PLA2G4A: variants seen among roughly 807,000 people sequenced by gnomAD.
PLA2G4A encodes phospholipase A2 group IVA.
PLA2G4A carries 40 observed loss-of-function variants against 81.9 expected under a neutral mutation model. The ratio of observed to expected loss-of-function variants is 0.49; its 90% CI spans 0.38 to 0.64. The LOEUF (loss-of-function observed/expected upper bound fraction) is 0.64. Among genes scored for constraint, PLA2G4A ranks in the 30% least tolerant of loss-of-function variants. The probability of loss-of-function intolerance (pLI) is 0.00; values close to 1 mark genes in which losing one functional copy is unlikely to be tolerated. For missense variants in PLA2G4A, 715 were observed against 905.1 expected (o/e 0.79, Z 2.69); for synonymous variants, 302 against 296.9 (o/e 1.02, Z -0.18).
chr1:186,957,398 A>C (rs1656792853), intron 14 of PLA2G4A, among the ~76,000 whole-genome samples: 1 of 152,308 alleles, frequency 6.6e-6, no homozygotes, highest in South Asian at 2.1e-4. Context: ...TGGTTCAAAA[A>C]CCACTTCAGA....
intron 7 of PLA2G4A, among the ~76,000 whole-genome samples, chr1:186,913,550 G>A (rs964271158): frequency 8.6e-5 from 13 of 151,930 alleles, no homozygotes; most frequent in Admixed American, 6.6e-4. Context: ...TGTTAGTGAC[G>A]TATCAGGTAA....
intron 1 of PLA2G4A, among the ~76,000 whole-genome samples, chr1:186,851,033 G>A (rs1469510892): frequency 6.6e-6 from 1 of 151,858 alleles, no homozygotes; most frequent in Non-Finnish European, 1.5e-5. Context: ...TTTATTATGG[G>A]CTAGGTACCT....
intron 1 of PLA2G4A, among the ~76,000 whole-genome samples, chr1:186,834,187 A>C (rs1265122736): frequency 1.3e-5 from 2 of 152,096 alleles, no homozygotes; most frequent in African/African-American, 2.4e-5. Context: ...TTTAATTTAC[A>C]AGCTGTTTTC....
intron 10 of PLA2G4A, among the ~76,000 whole-genome samples, chr1:186,941,881 A>C (rs943069264): frequency 5.9e-5 from 9 of 152,204 alleles, no homozygotes; most frequent in Non-Finnish European, 1.0e-4. Context: ...CGTTAGACCC[A>C]GTTTTCTCAT....
intron 8 of PLA2G4A, among the ~76,000 whole-genome samples, chr1:186,938,227 A>G (rs1656023661): frequency 2.6e-5 from 4 of 151,932 alleles, no homozygotes; most frequent in Admixed American, 2.6e-4. Flanking sequence ...TAAGTAAACG[A>G]GTAATTAATA....
At chr1:186,892,905 T>C (rs955439714) in intron 3 of PLA2G4A, 106 bp from the exon 4 acceptor site, 11 of 804,620 alleles carry the variant, frequency 1.4e-5, no homozygotes, top group South Asian at 4.3e-5. Flanking sequence ...TTTAAATACA[T>C]CACTACAGAT....
At chr1:186,876,920 C>A (rs1296925585) in intron 3 of PLA2G4A, among the ~76,000 whole-genome samples, 1 of 152,096 alleles carries the variant, frequency 6.6e-6, no homozygotes, top group Non-Finnish European at 1.5e-5. Context: ...GTAGGGCGAC[C>A]TGCTTAATCC....
chr1:186,961,264 G>A (rs1219132633), intron 14 of PLA2G4A, among the ~76,000 whole-genome samples: 3 of 152,042 alleles, frequency 2.0e-5, no homozygotes, highest in African/African-American at 4.8e-5. Context: ...AATAAGTGCT[G>A]GGTATCTATT....
chr1:186,973,692 A>G (rs1657436551), intron 15 of PLA2G4A, among the ~76,000 whole-genome samples: 1 of 152,238 alleles, frequency 6.6e-6, no homozygotes, highest in Non-Finnish European at 1.5e-5. Context: ...TGTAAACTCT[A>G]TACAACATTA....
In PLA2G4A at chr1:186,923,615, A is replaced by C. The variant is rs146435780; in HGVS notation, c.559-9148A>C. Among the ~76,000 whole-genome samples, 429 of 152,358 alleles carry C rather than the reference A, an allele frequency of 2.8e-3. 2 individuals carry two copies. Among genetic ancestry groups the C allele is most frequent in the African/African-American group, 9.6e-3 (398 of 41,584 alleles). On this transcript the variant is annotated intron_variant, in intron 7 of 17. Transcript: ENST00000367466. ...GTTCTTAATAAAGAGGTGTGAACTG[A>C]GGGATGCAAGTGATTGCAAGAGGAT... is the stretch of plus-strand genomic sequence containing the variant.
intron 6 of PLA2G4A, among the ~76,000 whole-genome samples, chr1:186,909,128 C>T (rs369620618): frequency 1.3e-5 from 2 of 150,590 alleles, no homozygotes; most frequent in Non-Finnish European, 3.0e-5. Flanking sequence ...CGCCAGCCAC[C>T]ACGCCCGGCT....
intron 1 of PLA2G4A, among the ~76,000 whole-genome samples, chr1:186,845,701 G>T (rs921493462): frequency 6.6e-5 from 10 of 152,148 alleles, no homozygotes; most frequent in African/African-American, 1.4e-4. Flanking sequence ...AGAGAGAGAA[G>T]TGACAAAACA....
Position 186,844,512 on chromosome 1 carries a change from G to A in PLA2G4A, c.-69-9774G>A, listed in dbSNP as rs374562608. On this transcript the variant is annotated intron_variant, in intron 1 of 17. Transcript: ENST00000367466. ...AGCGGACAAGTTAGTGTCCAAATGT[G>A]TTCTACTTTTAAAAATGTTAATGGA... Among the ~76,000 whole-genome samples, 56 of 152,262 alleles carry A rather than the reference G, an allele frequency of 3.7e-4. No individual in the cohort carries two copies. In the South Asian group the frequency reaches 6.2e-3, roughly 17 times the overall value.
intron 7 of PLA2G4A, among the ~76,000 whole-genome samples, chr1:186,928,261 A>C (rs936019926): frequency 7.9e-5 from 12 of 152,116 alleles, no homozygotes; most frequent in African/African-American, 2.9e-4. Context: ...GCTGTGAGGG[A>C]AACAGGGTCA....
intron 3 of PLA2G4A, among the ~76,000 whole-genome samples, chr1:186,892,241 G>T (rs1380789121): frequency 1.3e-5 from 2 of 152,006 alleles, no homozygotes; most frequent in East Asian, 3.9e-4. Context: ...TCTGTGGGTT[G>T]TCTCTTCATT....
Position 186,943,490 on chromosome 1 carries a change from A to C in PLA2G4A, c.1034-3147A>C, listed in dbSNP as rs190402347. Among the ~76,000 whole-genome samples the C allele has an allele frequency of 3.0e-4, 46 of 152,324 alleles. 1 individual carries two copies. Among genetic ancestry groups the C allele is most frequent in the African/African-American group, 1.1e-3 (45 of 41,594 alleles). ...TATAATCCTATTGAAAGAGACAAAAATAAAGCATGGAAAAATTCCTATAAT... is the reference window on the plus strand; with the variant it reads ...TATAATCCTATTGAAAGAGACAAAACTAAAGCATGGAAAAATTCCTATAAT... On this transcript the variant is annotated intron_variant, in intron 10 of 17. Coordinates refer to ENST00000367466, the MANE Select transcript of PLA2G4A (RefSeq NM_024420.3).
At chr1:186,923,032 G>A (rs1655412977) in intron 7 of PLA2G4A, among the ~76,000 whole-genome samples, 2 of 152,166 alleles carry the variant, frequency 1.3e-5, no homozygotes. Context: ...GTAGTGCCAG[G>A]CTGTCTGCTT....
rs544570939 is a variant in PLA2G4A at position 186,910,818 on chromosome 1, A to G, written c.417-430A>G. On this transcript the variant is annotated intron_variant, in intron 6 of 17. Coordinates refer to ENST00000367466, the MANE Select transcript of PLA2G4A (RefSeq NM_024420.3). ...TATTTCTGCAAGTATGTTCCTCAGA[A>G]TGCTGGCTCTTTGGGATGTTAGAAA... 4.6e-5 allele frequency among the ~76,000 whole-genome samples: 7 copies of G among 152,330 alleles called. No homozygotes were observed. In the South Asian group the frequency reaches 1.4e-3, roughly 32 times the overall value.
intron 1 of PLA2G4A, among the ~76,000 whole-genome samples, chr1:186,851,990 A>T (rs1258685966): frequency 1.3e-5 from 2 of 152,004 alleles, no homozygotes; most frequent in Non-Finnish European, 2.9e-5. Context: ...CAACTTATGG[A>T]TAAATAGAAA....
Sources: allele counts gnomAD v4.1 joint callset (sites outside exome capture counted in the v4.1 genomes callset), GRCh38; gene constraint gnomAD v4.1.1; transcripts MANE v1.5; gene names NCBI Gene and HGNC (gene_info 2026-07-23, HGNC 2026-07-21).